Variants in DENND10 observed in about 807,000 individuals in gnomAD.
DENND10 encodes DENN domain-containing protein 10.
In DENND10, 24 loss-of-function variants were observed where a neutral mutation model predicts 43.6. The ratio of observed to expected loss-of-function variants is 0.55; its 90% CI spans 0.40 to 0.77. The LOEUF (loss-of-function observed/expected upper bound fraction) is 0.77. Ranked by LOEUF, DENND10 falls within the 30% of genes least tolerant of loss-of-function variation. The pLI is 0.00. For missense variants in DENND10, 303 were observed against 429.9 expected, an observed-to-expected ratio of 0.70 and a Z score of 2.61; for synonymous variants, 125 against 157.6, an observed-to-expected ratio of 0.79 and a Z score of 1.55.
chr10:119,133,827 A>G (rs1482041833), intron 8 of DENND10: 1 of 151,910 alleles, frequency 6.6e-6, no homozygotes, highest in Non-Finnish European at 1.5e-5. Flanking sequence ...CCTACCCCCA[A>G]CATTAGAGTA....
intron 3 of DENND10, among the ~76,000 whole-genome samples, chr10:119,117,089 A>G (rs925226094): frequency 1.3e-5 from 2 of 152,098 alleles, no homozygotes; most frequent in African/African-American, 4.8e-5. Context: ...GCAGTAACTC[A>G]GCAGTAAGTG....
At chr10:119,111,254 C>CT (rs1844957588) in intron 2 of DENND10, among the ~76,000 whole-genome samples, 1 of 66,398 alleles carries the variant, frequency 1.5e-5, no homozygotes, top group South Asian at 6.1e-4. Flanking sequence ...GGCGACAGAG[C>CT]AAATGTCCCA....
chr10:119,127,160 T>A (rs1276673843), intron 6 of DENND10, among the ~76,000 whole-genome samples: 1 of 152,008 alleles, frequency 6.6e-6, no homozygotes, highest in Non-Finnish European at 1.5e-5. Context: ...CGCCTTGGCC[T>A]CCCAAAGTGC....
At chr10:119,124,371 C>CA (rs1175412178) in intron 6 of DENND10, among the ~76,000 whole-genome samples, 92,812 of 104,702 alleles carry the variant, frequency 0.89, 42,009 homozygotes, top group Non-Finnish European at 0.98. Flanking sequence ...ACTAAAATAC[C>CA]AAAAAAAAAA....
At chr10:119,134,350 A>ATT (rs71016544) in intron 8 of DENND10, 4 of 132,046 alleles carry the variant, frequency 3.0e-5, no homozygotes, top group Admixed American at 7.8e-5. Flanking sequence ...AGAAGACATG[A>ATT]TTTTTTTTTT....
chr10:119,115,649 A>G (rs954679626), intron 3 of DENND10, among the ~76,000 whole-genome samples: 3 of 151,364 alleles, frequency 2.0e-5, no homozygotes, highest in East Asian at 3.9e-4. Context: ...TCGGCCTCCC[A>G]AAGTGCTGGA....
At chr10:119,136,128 T>C (rs1048914920) in intron 8 of DENND10, among the ~76,000 whole-genome samples, 4 of 151,196 alleles carry the variant, frequency 2.6e-5, no homozygotes, top group African/African-American at 9.7e-5. Context: ...CAGTGAGCCA[T>C]GATTGAACCA....
intron 2 of DENND10, among the ~76,000 whole-genome samples, chr10:119,110,128 A>G (rs1422391047): frequency 6.6e-6 from 1 of 152,020 alleles, no homozygotes; most frequent in Non-Finnish European, 1.5e-5. Context: ...GATAGGTTTC[A>G]ATATGTAATG....
chr10:119,119,178 A>AT (rs1452244371), intron 4 of DENND10, among the ~76,000 whole-genome samples: 1 of 152,048 alleles, frequency 6.6e-6, no homozygotes, highest in Non-Finnish European at 1.5e-5. Context: ...CTAATTGTGT[A>AT]TTTTTAGTAC....
chr10:119,108,067 A>G lies in DENND10; in HGVS notation c.155A>G (p.Glu52Gly). 1 of 1,613,770 alleles carries G rather than the reference A, an allele frequency of 6.2e-7. No homozygotes were observed. The highest frequency in any genetic ancestry group is 8.5e-7 in the Non-Finnish European group (1 of 1,179,634). Residue 52 changes from glutamate to glycine, a missense_variant, in exon 2 of 9, where the codon GAA becomes GGA. Coordinates refer to ENST00000361432, the MANE Select transcript of DENND10 (RefSeq NM_207009.4). ...LLLRKCCLTDENKLLHPFVFG... is the reference protein window; with the variant it reads ...LLLRKCCLTDGNKLLHPFVFG... Reference sequence around the variant, plus strand: ...CTGAGAAAATGCTGCCTTACAGATGAAAACAAACTTCTCCATCCCTTTGTC... The same window carrying G: ...CTGAGAAAATGCTGCCTTACAGATGGAAACAAACTTCTCCATCCCTTTGTC...
chr10:119,114,291 G>C lies in DENND10; in HGVS notation c.332+2363G>C, dbSNP rs897070291. 6 of 103,870 alleles carry C rather than the reference G, an allele frequency of 5.8e-5. No homozygotes were observed. The South Asian group carries it at 9.6e-4, about 17-fold the overall frequency. The allele number at this position is 103,870 out of a possible 1,614,324, so 6.4% of individuals were successfully genotyped here. A position where few individuals can be genotyped will look rare whatever the true frequency, so the allele number is the denominator to read the frequency against. ...ACACACACACACACACACACACACA[G>C]GTCTGTGTGTACATGCACACACTCA... On this transcript the variant is annotated intron_variant, in intron 3 of 8. Coordinates refer to ENST00000361432, the MANE Select transcript of DENND10 (RefSeq NM_207009.4).
chr10:119,112,024 C>A, intron 3 of DENND10, 96 bp downstream of exon 3: 1 of 881,106 alleles, frequency 1.1e-6, no homozygotes, highest in Non-Finnish European at 1.9e-6. Flanking sequence ...AAAGTTCAGC[C>A]TTGTGTCTCC....
rs1844788724 is a variant in DENND10, at chr10:119,108,168, T to A, written c.252+4T>A. 1.2e-6 allele frequency: 2 copies of A among 1,602,658 alleles called. No individual in the cohort carries two copies. Among genetic ancestry groups the A allele is most frequent in the Admixed American group, 3.4e-5 (2 of 59,436 alleles). ...AGATTCTTCCATTTTGAAAAAGGTATGATTGCGTGAAGGTAAAAAAAAAAC... is the reference window on the plus strand; with the variant it reads ...AGATTCTTCCATTTTGAAAAAGGTAAGATTGCGTGAAGGTAAAAAAAAAAC... On this transcript the variant is annotated splice_donor_region_variant and intron_variant, in intron 2 of 8. Transcript: ENST00000361432.
At chr10:119,119,919 G>A (rs940167535) in intron 4 of DENND10, among the ~76,000 whole-genome samples, 2 of 151,986 alleles carry the variant, frequency 1.3e-5, no homozygotes, top group African/African-American at 4.8e-5. Context: ...GTGTTTGTAT[G>A]CTTTACAACA....
At chr10:119,122,637 G>A (rs970429985) in intron 5 of DENND10, among the ~76,000 whole-genome samples, 2 of 152,074 alleles carry the variant, frequency 1.3e-5, no homozygotes, top group African/African-American at 4.8e-5. Flanking sequence ...AGGGCACCAG[G>A]GGTTCATGAA....
At chr10:119,134,431 A>C (rs918775140) in intron 8 of DENND10, 44 of 149,320 alleles carry the variant, frequency 2.9e-4, no homozygotes, top group African/African-American at 9.5e-4. Flanking sequence ...GCTCACTGCA[A>C]CCTCTGCCTC....
Position 119,126,315 on chromosome 10 carries a change from A to G in DENND10, c.694+2746A>G, listed in dbSNP as rs117713207. ...CTGATTTCCTTTTTTGGGGGTAAAT[A>G]CCCAGCAGTGGGATTGCTGGATCAT... On this transcript the variant is annotated intron_variant, in intron 6 of 8. Coordinates refer to ENST00000361432, the MANE Select transcript of DENND10 (RefSeq NM_207009.4). Among the ~76,000 whole-genome samples, 1,990 of 152,112 alleles carry G rather than the reference A, an allele frequency of 0.013. 124 individuals are homozygous for G. In the East Asian group the frequency reaches 0.18, roughly 14 times the overall value.
chr10:119,136,433 T>C (rs1846363643), intron 8 of DENND10, 38 bp from the exon 9 acceptor site: 1 of 1,569,984 alleles, frequency 6.4e-7, no homozygotes, highest in Non-Finnish European at 8.6e-7. Flanking sequence ...AAATTTCGGA[T>C]ACTAACATGT....
chr10:119,120,382 A>G lies in DENND10; in HGVS notation c.523A>G (p.Thr175Ala). ...QFGMETVILH[T>A]ALMLKKRIVV... The stretch of plus-strand genomic sequence containing the variant: ...TGGAATGGAAACTGTTATCTTACAC[A>G]CAGCACTGATGCTAAAGAAAAGAAT... Residue 175 changes from threonine to alanine, a missense_variant, in exon 5 of 9, where the codon ACA (threonine) becomes GCA (alanine). Coordinates refer to ENST00000361432, the MANE Select transcript of DENND10 (RefSeq NM_207009.4). 1.2e-6 allele frequency: 2 copies of G among 1,613,318 alleles called. No homozygotes were observed. Among genetic ancestry groups the G allele is most frequent in the South Asian group, 2.2e-5 (2 of 91,074 alleles).
Sources: allele counts gnomAD v4.1 joint callset (sites outside exome capture counted in the v4.1 genomes callset), GRCh38; gene constraint gnomAD v4.1.1; transcripts MANE v1.5; gene names NCBI Gene and HGNC (gene_info 2026-07-23, HGNC 2026-07-21).